LPP: variants seen among roughly 807,000 people sequenced by gnomAD.
LPP encodes the protein lipoma-preferred partner.
A neutral mutation model predicts 60.4 loss-of-function variants in LPP; 38 were observed. That is an observed-to-expected ratio of 0.63 (90% CI 0.49 to 0.83). The LOEUF is 0.83. Ranked by LOEUF, LPP falls within the 40% of genes least tolerant of loss-of-function variation. The probability of loss-of-function intolerance (pLI) is 0.00; values close to 1 mark genes in which losing one functional copy is unlikely to be tolerated. For missense variants in LPP, 902 were observed against 783.6 expected, an observed-to-expected ratio of 1.15 and a Z score of -1.80; for synonymous variants, 328 against 290.8, an observed-to-expected ratio of 1.13 and a Z score of -1.30.
intron 2 of LPP, among the ~76,000 whole-genome samples, chr3:188,311,192 C>G (rs1753283383): frequency 6.6e-6 from 1 of 151,718 alleles, no homozygotes; most frequent in Admixed American, 6.6e-5. Flanking sequence ...TATATGCTCT[C>G]TCTCTCTCTC....
chr3:188,866,487 G>A, intron 10 of LPP, 109 bp downstream of exon 10: 2 of 904,348 alleles, frequency 2.2e-6, no homozygotes, highest in South Asian at 8.2e-5. Context: ...AGAATTTCAG[G>A]ATTTAGTGAG....
chr3:188,609,660 G>C lies in LPP; in HGVS notation c.929G>C (p.Arg310Thr). Residue 310 changes from arginine (R) to threonine (T), a missense_variant, in exon 7 of 12, where the codon AGA (arginine) becomes ACA (threonine). By Grantham distance (71) the Arg-to-Thr change is moderately conservative (BLOSUM62 -1). Coordinates refer to ENST00000617246, the MANE Select transcript of LPP (RefSeq NM_001375462.1). This position sits in a 1 kb window ranked among gnomAD's most constrained non-coding sequence, Gnocchi z 6.9. ...GCAGCAGGGCCAGGCTATGGGGGCAGAAATGACTCTGACCCTACCTATGGT... is the reference window on the plus strand; with the variant it reads ...GCAGCAGGGCCAGGCTATGGGGGCACAAATGACTCTGACCCTACCTATGGT... Reference protein sequence around the residue: ...YYAAGPGYGGRNDSDPTYGQQ... With the variant: ...YYAAGPGYGGTNDSDPTYGQQ... The C allele has an allele frequency of 6.2e-7, 1 of 1,614,146 alleles. No homozygotes were observed. The highest frequency in any genetic ancestry group is 8.5e-7 in the Non-Finnish European group (1 of 1,180,010).
At chr3:188,265,215 G>GTTTTA (rs1199035593) in intron 2 of LPP, among the ~76,000 whole-genome samples, 7 of 152,108 alleles carry the variant, frequency 4.6e-5, no homozygotes, top group Admixed American at 4.6e-4. Flanking sequence ...GTTTTGTTTT[G>GTTTTA]TTTTATGTTT....
chr3:188,727,275 A>G (rs939773883), intron 8 of LPP, among the ~76,000 whole-genome samples: 1 of 152,116 alleles, frequency 6.6e-6, no homozygotes, highest in African/African-American at 2.4e-5. Context: ...ATACATGCAA[A>G]TTACTTACAG....
At chr3:188,319,843 G>GA (rs1476841724) in intron 2 of LPP, among the ~76,000 whole-genome samples, 7 of 151,980 alleles carry the variant, frequency 4.6e-5, no homozygotes, top group Non-Finnish European at 8.8e-5. Context: ...AATGCCTTTC[G>GA]TTTTTTTCCT....
chr3:188,710,942 G>C (rs972734209), intron 8 of LPP: 2 of 152,128 alleles, frequency 1.3e-5, no homozygotes, highest in African/African-American at 4.8e-5. Context: ...TGTTTTATCT[G>C]TAATATGGGA....
intron 3 of LPP, among the ~76,000 whole-genome samples, chr3:188,357,100 G>A (rs1423347596): frequency 2.0e-5 from 3 of 152,170 alleles, no homozygotes; most frequent in African/African-American, 7.2e-5. Flanking sequence ...ACATGGTGGA[G>A]CAGAAAAGTA....
At chr3:188,545,235 C>A in intron 6 of LPP, among the ~76,000 whole-genome samples, 1 of 129,170 alleles carries the variant, frequency 7.7e-6, no homozygotes, top group South Asian at 2.7e-4. Flanking sequence ...GCACATGTAC[C>A]CTAAAACTTA....
intron 9 of LPP, among the ~76,000 whole-genome samples, chr3:188,810,923 A>G (rs1750745897): frequency 6.6e-6 from 1 of 152,086 alleles, no homozygotes; most frequent in African/African-American, 2.4e-5. Context: ...CTATTAGTAG[A>G]CATTTGAATT....
intron 5 of LPP, among the ~76,000 whole-genome samples, chr3:188,513,427 C>T (rs1463569484): frequency 2.0e-5 from 3 of 152,138 alleles, no homozygotes; most frequent in East Asian, 3.8e-4. Flanking sequence ...GTTTCCGTGT[C>T]TGATTTCATT....
chr3:188,290,312 C>T (rs1437954910), intron 2 of LPP, among the ~76,000 whole-genome samples: 1 of 152,014 alleles, frequency 6.6e-6, no homozygotes, highest in Non-Finnish European at 1.5e-5. Context: ...GGGACAGATG[C>T]CGAAGCCACA....
chr3:188,685,443 C>T (rs200090769), intron 7 of LPP, among the ~76,000 whole-genome samples: 3 of 151,974 alleles, frequency 2.0e-5, no homozygotes, highest in South Asian at 4.2e-4. Context: ...AGGGTGTACA[C>T]GTAAGTAGAA....
chr3:188,540,126 T>A (rs1824755071), intron 6 of LPP, among the ~76,000 whole-genome samples: 1 of 152,140 alleles, frequency 6.6e-6, no homozygotes, highest in Non-Finnish European at 1.5e-5. Context: ...CCCCTGTGGG[T>A]ATCAGTAGAA....
intron 9 of LPP, among the ~76,000 whole-genome samples, chr3:188,794,567 G>A (rs1328413654): frequency 6.6e-6 from 1 of 152,122 alleles, no homozygotes; most frequent in African/African-American, 2.4e-5. Flanking sequence ...ATTTCCTTGT[G>A]TTAGAAAAAC....
chr3:188,496,641 A>G (rs951463445), intron 5 of LPP, among the ~76,000 whole-genome samples: 4 of 151,966 alleles, frequency 2.6e-5, no homozygotes, highest in Non-Finnish European at 4.4e-5. Flanking sequence ...TTCTCTCTCC[A>G]TTGCCATCGC....
chr3:188,445,665 G>C (rs1795059971), intron 4 of LPP, among the ~76,000 whole-genome samples: 1 of 151,922 alleles, frequency 6.6e-6, no homozygotes, highest in South Asian at 2.1e-4. Flanking sequence ...AAAAGACATT[G>C]ATTCATTCAT....
At chr3:188,524,336 C>CT (rs796885339) in intron 5 of LPP, among the ~76,000 whole-genome samples, 9 of 152,194 alleles carry the variant, frequency 5.9e-5, no homozygotes, top group African/African-American at 1.9e-4. Context: ...CTTGTGAGCT[C>CT]TCTTCAGCTG....
chr3:188,407,788 GTTTTTTT>G lies in LPP; in HGVS notation c.193+1488_193+1494del, dbSNP rs869082030. On this transcript the variant is annotated intron_variant, in intron 4 of 11. Transcript: ENST00000617246. ...TTATGGTTTTTTTTTTTGTTTGTTT[GTTTTTTT>G]TTTTTTTTTTTTGAGATGGAGTTTC... 6.7e-4 allele frequency among the ~76,000 whole-genome samples: 72 copies of G among 107,614 alleles called. 5 individuals carry two copies. Among genetic ancestry groups the G allele is most frequent in the African/African-American group, 2.9e-3 (72 of 25,230 alleles). 70.6% of individuals were successfully genotyped at this position (107,614 alleles called of 152,430 possible). A position where few individuals can be genotyped will look rare whatever the true frequency, so the allele number is the denominator to read the frequency against.
chr3:188,660,891 G>A (rs1854430304), intron 7 of LPP, among the ~76,000 whole-genome samples: 1 of 152,042 alleles, frequency 6.6e-6, no homozygotes. Context: ...TTGACTCTTG[G>A]TGTTGTACAT....
Sources: allele counts gnomAD v4.1 joint callset (sites outside exome capture counted in the v4.1 genomes callset), GRCh38; gene constraint gnomAD v4.1.1; non-coding constraint Gnocchi (gnomAD v3.1); transcripts MANE v1.5; gene names NCBI Gene and HGNC (gene_info 2026-07-23, HGNC 2026-07-21).